Variants in CELF2 observed in about 807,000 individuals in gnomAD.
The protein encoded by CELF2 is CUG triplet repeat RNA-binding protein 2.
In CELF2, 8 loss-of-function variants were observed where a neutral mutation model predicts 62.6. The ratio of observed to expected loss-of-function variants is 0.13; its 90% CI spans 0.07 to 0.23. The LOEUF (loss-of-function observed/expected upper bound fraction) is 0.23. Among genes scored for constraint, CELF2 ranks in the 10% least tolerant of loss-of-function variants. The pLI, the probability that CELF2 is intolerant of heterozygous loss-of-function variation, is 1.00. For missense variants in CELF2, 333 were observed against 671.0 expected (o/e 0.50, Z 5.56); for synonymous variants, 258 against 250.0 (o/e 1.03, Z -0.30).
chr10:10,622,120 C>T, the CELF2 span, among the ~76,000 whole-genome samples: 52 of 152,184 alleles, frequency 3.4e-4, no homozygotes, highest in Non-Finnish European at 6.3e-4. Context: ...TGGGGATGAG[C>T]CCCTGGGACC....
intron 1 of CELF2, among the ~76,000 whole-genome samples, chr10:11,141,779 A>AT (rs1436986064): frequency 1.3e-5 from 2 of 152,354 alleles, no homozygotes; most frequent in East Asian, 3.9e-4. Flanking sequence ...CCCTCAAGAC[A>AT]TTTAGTCTAG....
chr10:10,795,252 T>A (rs979663756), upstream of CELF2, among the ~76,000 whole-genome samples: 7 of 152,006 alleles, frequency 4.6e-5, no homozygotes, highest in African/African-American at 1.7e-4. Flanking sequence ...TTTTTTTTTT[T>A]TTTTTAACAG....
chr10:11,238,568 A>G (rs1201417347), intron 3 of CELF2, among the ~76,000 whole-genome samples: 1 of 152,240 alleles, frequency 6.6e-6, no homozygotes, highest in African/African-American at 2.4e-5. Context: ...AAAGGGAAGA[A>G]CTAAAGTATT....
rs563659030 is a variant in CELF2, at chr10:11,291,292, T to C, written c.976+2740T>C. On this transcript the variant is annotated intron_variant, in intron 9 of 12. Coordinates refer to ENST00000633077, the MANE Select transcript of CELF2 (RefSeq NM_001326342.2). ...TTAATTTTTTTAATAATTGTAAATT[T>C]ATCATTTCAATTTTGCATACCCAGG... 3.9e-4 allele frequency among the ~76,000 whole-genome samples: 59 copies of C among 152,338 alleles called. No homozygotes were observed. The South Asian group carries it at 0.012, about 30-fold the overall frequency.
the CELF2 span, among the ~76,000 whole-genome samples, chr10:10,580,158 T>C: frequency 2.0e-5 from 3 of 152,138 alleles, no homozygotes; most frequent in Non-Finnish European, 4.4e-5. Context: ...AATGAGACCA[T>C]GAGTTGGAAA....
upstream of CELF2, among the ~76,000 whole-genome samples, chr10:11,004,107 G>C (rs1293328172): frequency 6.6e-6 from 1 of 152,214 alleles, no homozygotes; most frequent in Non-Finnish European, 1.5e-5. This position sits in a 1 kb window ranked among gnomAD's most constrained non-coding sequence, Gnocchi z 5.0. Flanking sequence ...CAGAGACCTA[G>C]CAAGAAATTG....
At chr10:11,235,824 C>T (rs2071033451) in intron 3 of CELF2, among the ~76,000 whole-genome samples, 1 of 151,808 alleles carries the variant, frequency 6.6e-6, no homozygotes, top group African/African-American at 2.4e-5. Context: ...GGTGGGGGGA[C>T]AGCCTTGTTT....
the CELF2 span, among the ~76,000 whole-genome samples, chr10:10,555,513 T>C: frequency 2.0e-5 from 3 of 152,164 alleles, no homozygotes; most frequent in Non-Finnish European, 4.4e-5. Context: ...GGGACCCTTT[T>C]TATACTCGTG....
chr10:11,295,803 T>C (rs2139958019), intron 9 of CELF2, among the ~76,000 whole-genome samples: 1 of 152,284 alleles, frequency 6.6e-6, no homozygotes, highest in Non-Finnish European at 1.5e-5. Flanking sequence ...TTGGCATTGA[T>C]CATCCTGCTT....
At chr10:10,796,617 G>A (rs1296281188), upstream of CELF2, among the ~76,000 whole-genome samples, 5 of 152,190 alleles carry the variant, frequency 3.3e-5, no homozygotes, top group Non-Finnish European at 1.5e-5. Context: ...GGATGAGGAT[G>A]ATGTCATTAT....
chr10:10,672,030 T>C, the CELF2 span, among the ~76,000 whole-genome samples: 1 of 152,224 alleles, frequency 6.6e-6, no homozygotes, highest in African/African-American at 2.4e-5. Context: ...GTGCCCAGCC[T>C]GTATGTCTTC....
At chr10:10,929,028 G>A (rs1388160034) in intron 2 of CELF2, among the ~76,000 whole-genome samples, 1 of 152,194 alleles carries the variant, frequency 6.6e-6, no homozygotes, top group Non-Finnish European at 1.5e-5. Context: ...GATTGAGGAA[G>A]CCTTCTCCTA....
chr10:11,121,111 C>T (rs2057655736), intron 1 of CELF2, among the ~76,000 whole-genome samples: 1 of 152,154 alleles, frequency 6.6e-6, no homozygotes, highest in African/African-American at 2.4e-5. Context: ...GTTTATAAGT[C>T]TACACAATTG....
chr10:11,009,260 C>T (rs1379388334), intron 1 of CELF2, among the ~76,000 whole-genome samples: 4 of 151,808 alleles, frequency 2.6e-5, no homozygotes, highest in Non-Finnish European at 4.4e-5. Flanking sequence ...GTCCTAGAGC[C>T]GAAGCACCTT....
At chr10:10,749,486 C>T in the CELF2 span, among the ~76,000 whole-genome samples, 50 of 152,176 alleles carry the variant, frequency 3.3e-4, no homozygotes, top group Non-Finnish European at 6.6e-4. Context: ...AATGTGCAAA[C>T]GATATTATTA....
intron 11 of CELF2, among the ~76,000 whole-genome samples, chr10:11,323,977 G>GT (rs1275634381): frequency 6.7e-6 from 1 of 149,448 alleles, no homozygotes; most frequent in African/African-American, 2.5e-5. Flanking sequence ...AAACCAAACT[G>GT]TTTCTTGGTG....
chr10:10,745,370 T>G, the CELF2 span, among the ~76,000 whole-genome samples: 1 of 152,130 alleles, frequency 6.6e-6, no homozygotes, highest in South Asian at 2.1e-4. Context: ...TCAAGGCAAT[T>G]TTCTAGTCCA....
chr10:10,776,921 A>G, the CELF2 span, among the ~76,000 whole-genome samples: 322 of 152,340 alleles, frequency 2.1e-3, 1 homozygote, highest in Admixed American at 3.1e-3. Context: ...CCGGAAGGCC[A>G]TGCCCTCTGC....
the CELF2 span, among the ~76,000 whole-genome samples, chr10:10,629,933 T>C: frequency 2.0e-5 from 3 of 149,544 alleles, no homozygotes; most frequent in Non-Finnish European, 4.4e-5. Flanking sequence ...CTATTAGATG[T>C]CTTGCTCCTA....
Sources: gnomAD v4.1 joint callset for allele counts (sites outside exome capture counted in the v4.1 genomes callset) on GRCh38, gnomAD v4.1.1 for gene constraint, Gnocchi (gnomAD v3.1) non-coding constraint, MANE v1.5 for transcripts, NCBI Gene and HGNC (gene_info 2026-07-23, HGNC 2026-07-21) for gene names.